The following SIRT7 variants were observed in gnomAD, a reference collection of about 807,000 sequenced individuals.
SIRT7 encodes the protein NAD-dependent protein deacetylase sirtuin-7.
In SIRT7, 32 loss-of-function variants were observed where a neutral mutation model predicts 42.8. The observed-to-expected ratio is 0.75, with a 90% confidence interval of 0.56 to 1.00. The LOEUF is 1.00. Among genes scored for constraint, SIRT7 ranks in the 50% least tolerant of loss-of-function variants. The pLI, the probability that SIRT7 is intolerant of heterozygous loss-of-function variation, is 0.00. For missense variants in SIRT7, 553 were observed against 572.2 expected, an observed-to-expected ratio of 0.97 and a Z score of 0.34; for synonymous variants, 297 against 245.2, an observed-to-expected ratio of 1.21 and a Z score of -1.97.
Position 81,913,476 on chromosome 17 carries a change from G to C in SIRT7, c.1004+298C>G. On this transcript the variant is annotated intron_variant, in intron 9 of 9. Coordinates refer to ENST00000328666, the MANE Select transcript of SIRT7 (RefSeq NM_016538.3). This position sits in a 1 kb window ranked among gnomAD's most constrained non-coding sequence, Gnocchi z 5.0. Reference sequence around the variant, plus strand: ...TGCCGAGTGCTCGTCCCCTCCAGATGCTTCCCACCAGGCATCTCGGAGAGC... The same window carrying C: ...TGCCGAGTGCTCGTCCCCTCCAGATCCTTCCCACCAGGCATCTCGGAGAGC... The C allele has an allele frequency of 2.2e-6, 1 of 451,314 alleles. No individual in the cohort carries two copies. The highest frequency in any genetic ancestry group is 4.1e-6 in the Non-Finnish European group (1 of 241,492). The allele number at this position is 451,314 out of a possible 1,614,324, so 28.0% of individuals were successfully genotyped here.
chr17:81,917,832 C>T lies in SIRT7; in HGVS notation c.229G>A (p.Glu77Lys). 2 of 1,435,300 alleles carry T rather than the reference C, an allele frequency of 1.4e-6. No individual in the cohort carries two copies. The highest frequency in any genetic ancestry group is 1.8e-6 in the Non-Finnish European group (2 of 1,099,562). 88.9% of individuals were successfully genotyped at this position (1,435,300 alleles called of 1,614,324 possible). The change falls in exon 2 of 10, where the codon GAG (glutamate) becomes AAG (lysine). Residue 77 changes from glutamate (E) to lysine (K), a missense_variant and splice_region_variant. Transcript: ENST00000328666. ...CGCGCGCCGCACGCGGAACTCGCCT[C>T]CTCCTGCCGCCGCTTCAGGCCCTCG... ...RREGLKRRQE[E>K]VCDDPEELRG... is the part of the protein sequence containing the mutation.
At position 81,915,654 on chromosome 17, in the gene SIRT7, G is replaced by A. The variant is rs200803537; in HGVS notation, c.364C>T (p.Pro122Ser). Residue 122 changes from proline to serine, a missense_variant, in exon 4 of 10, where the codon CCT becomes TCT. Pro to Ser is a moderately conservative substitution (Grantham distance 74). Coordinates refer to ENST00000328666, the MANE Select transcript of SIRT7 (RefSeq NM_016538.3). Reference sequence around the variant, plus strand: ...TGAAGCAGTGTCCACACTCCATTAGGGCCCCGGTAGTCTGGGATAGACGCT... The same window carrying A: ...TGAAGCAGTGTCCACACTCCATTAGAGCCCCGGTAGTCTGGGATAGACGCT... ...TAASIPDYRGPNGVWTLLQKG... is the reference protein window; with the variant it reads ...TAASIPDYRGSNGVWTLLQKG... 2.5e-6 allele frequency: 4 copies of A among 1,613,918 alleles called. No individual in the cohort carries two copies. Among genetic ancestry groups the A allele is most frequent in the East Asian group, 2.2e-5 (1 of 44,888 alleles).
intron 3 of SIRT7, 175 bp downstream of exon 3, chr17:81,917,436 GTTTT>G (rs374653049): frequency 1.9e-6 from 1 of 528,274 alleles, no homozygotes; most frequent in East Asian, 3.4e-5. Context: ...TCTACTCCTT[GTTTT>G]TTTTAACTGG....
chr17:81,914,348 C>G lies in SIRT7; in HGVS notation c.762G>C (p.Ala254=). The change falls in exon 7 of 10, where the codon GCG becomes GCC. Residue 254 remains alanine, a synonymous_variant. Transcript: ENST00000328666. ...TGTCTGCTCTGCTGGCAGCCTCGGTCGCCGCTTCCCAGTTCAAAGGCTGCC... is the reference window on the plus strand; with the variant it reads ...TGTCTGCTCTGCTGGCAGCCTCGGTGGCCGCTTCCCAGTTCAAAGGCTGCC... ...TLGQPLNWEA[A]TEAASRADTI... 6.2e-7 allele frequency: 1 copy of G among 1,612,910 alleles called. No homozygotes were observed. The highest frequency in any genetic ancestry group is 8.5e-7 in the Non-Finnish European group (1 of 1,179,994).
At position 81,912,500 on chromosome 17, in the gene SIRT7, AC is replaced by A; in HGVS notation, c.1118del (p.Gly373ValfsTer10). ...GGATGGGGGCCGAGCTAAGCGGTGC[AC>A]CCCGGTCCCCAGGCGGGGCCTCCTC... is the stretch of plus-strand genomic sequence containing the variant. ...SREEAPPGDR[G>X]APLSSAPILG... is the part of the protein sequence containing the mutation. On this transcript the variant is annotated frameshift_variant, in exon 10 of 10. Coordinates refer to ENST00000328666, the MANE Select transcript of SIRT7 (RefSeq NM_016538.3). LOFTEE classifies it high-confidence loss of function. 1 of 1,613,702 alleles carries A rather than the reference AC, an allele frequency of 6.2e-7. No homozygotes were observed. Among genetic ancestry groups the A allele is most frequent in the Non-Finnish European group, 8.5e-7 (1 of 1,179,936 alleles).
In SIRT7 at chr17:81,918,024, G is replaced by A. The variant is rs766471032; in HGVS notation, c.93+15C>T. On this transcript the variant is annotated intron_variant, in intron 1 of 9. Coordinates refer to ENST00000328666, the MANE Select transcript of SIRT7 (RefSeq NM_016538.3). ...GGGCCGGGCATGGCCGGGCCGGGGA[G>A]CGGCGGCGGCGTACCTGGCGGAGGC... 129 of 1,438,574 alleles carry A rather than the reference G, an allele frequency of 9.0e-5. No individual in the cohort carries two copies. The highest frequency in any genetic ancestry group is 1.1e-4 in the Non-Finnish European group (122 of 1,102,534). 89.1% of individuals were successfully genotyped at this position (1,438,574 alleles called of 1,614,324 possible).
Position 81,918,079 on chromosome 17 carries a change from C to T in SIRT7, c.53G>A (p.Arg18Gln). 2.6e-6 allele frequency: 4 copies of T among 1,550,874 alleles called. No individual in the cohort carries two copies. Among genetic ancestry groups the T allele is most frequent in the Non-Finnish European group, 2.6e-6 (3 of 1,159,730 alleles). The change falls in exon 1 of 10, where the codon CGG (arginine) becomes CAG (glutamine). Residue 18 changes from arginine to glutamine, a missense_variant. Transcript: ENST00000328666. ...CCTCTGCTGCTCCTCCCGCAACCTC[C>T]GGACCCGCTCCGCCGCTTTGCGCTC... Reference protein sequence around the residue: ...RSERKAAERVRRLREEQQRER... With the variant: ...RSERKAAERVQRLREEQQRER...
intron 2 of SIRT7, 26 bp from the exon 3 acceptor site, chr17:81,917,745 G>T: frequency 6.6e-7 from 1 of 1,505,218 alleles, no homozygotes; most frequent in Non-Finnish European, 8.9e-7. Flanking sequence ...GGTGGTCACC[G>T]CCCCGGGCCG....
chr17:81,915,738 A>C, intron 3 of SIRT7, 57 bp from the exon 4 acceptor site: 2 of 1,577,500 alleles, frequency 1.3e-6, no homozygotes, highest in South Asian at 2.3e-5. Flanking sequence ...AGGTACTGGC[A>C]GAATTCCCAG....
chr17:81,917,583 G>C (rs1305282091), intron 3 of SIRT7, 32 bp downstream of exon 3: 1 of 1,553,920 alleles, frequency 6.4e-7, no homozygotes, highest in Non-Finnish European at 8.7e-7. Context: ...CTCATACTCC[G>C]TCCTGGGGTA....
intron 5 of SIRT7, chr17:81,915,170 A>G: frequency 1.8e-6 from 1 of 560,096 alleles, no homozygotes; most frequent in East Asian, 3.0e-5. Flanking sequence ...TGAGGTCCAC[A>G]GAAAAATGCA....
chr17:81,915,584 G>A (rs760029347), intron 4 of SIRT7, 27 bp downstream of exon 4: 6 of 1,613,408 alleles, frequency 3.7e-6, no homozygotes, highest in Non-Finnish European at 5.1e-6. Flanking sequence ...CCCAGCCTAT[G>A]TGGGAGGCCA....
chr17:81,915,974 C>A, intron 3 of SIRT7: 1 of 434,190 alleles, frequency 2.3e-6, no homozygotes, highest in Non-Finnish European at 4.3e-6. Flanking sequence ...CAAAGCTGGG[C>A]TCTGTGGCAC....
Position 81,917,727 on chromosome 17 carries a change from G to T in SIRT7, c.232-8C>A. Reference sequence around the variant, plus strand: ...CTCCGGGTCGTCGCACACCTGCCAAGACGCCAGGGTGGTCACCGCCCCGGG... The same window carrying T: ...CTCCGGGTCGTCGCACACCTGCCAATACGCCAGGGTGGTCACCGCCCCGGG... On this transcript the variant is annotated splice_region_variant and splice_polypyrimidine_tract_variant and intron_variant, in intron 2 of 9. Coordinates refer to ENST00000328666, the MANE Select transcript of SIRT7 (RefSeq NM_016538.3). 6.3e-7 allele frequency: 1 copy of T among 1,580,728 alleles called. No homozygotes were observed. The highest frequency in any genetic ancestry group is 8.6e-7 in the Non-Finnish European group (1 of 1,165,470).
In SIRT7 at chr17:81,918,084, C is replaced by G; in HGVS notation, c.48G>C (p.Arg16=). ...LSRSERKAAE[R]VRRLREEQQR... is the part of the protein sequence containing the mutation. ...GCTGCTCCTCCCGCAACCTCCGGAC[C>G]CGCTCCGCCGCTTTGCGCTCGGAGC... Residue 16 remains arginine, a synonymous_variant, in exon 1 of 10, where the codon CGG becomes CGC. Transcript: ENST00000328666. 3.2e-6 allele frequency: 5 copies of G among 1,551,096 alleles called. No individual in the cohort carries two copies. Among genetic ancestry groups the G allele is most frequent in the Non-Finnish European group, 4.3e-6 (5 of 1,159,790 alleles).
At chr17:81,912,743 G>A (rs2040706532) in intron 9 of SIRT7, 129 bp from the exon 10 acceptor site, 2 of 977,276 alleles carry the variant, frequency 2.0e-6, no homozygotes, top group Non-Finnish European at 3.1e-6. Context: ...ACTGCGGCGG[G>A]GCTCTGGTTG....
chr17:81,913,324 C>T lies in SIRT7; in HGVS notation c.1004+450G>A, dbSNP rs2040729711. 1 of 455,358 alleles carries T rather than the reference C, an allele frequency of 2.2e-6. No homozygotes were observed. 28.2% of individuals were successfully genotyped at this position (455,358 alleles called of 1,614,324 possible). A position where few individuals can be genotyped will look rare whatever the true frequency, so the allele number is the denominator to read the frequency against. On this transcript the variant is annotated intron_variant, in intron 9 of 9. Coordinates refer to ENST00000328666, the MANE Select transcript of SIRT7 (RefSeq NM_016538.3). This position sits in a 1 kb window ranked among gnomAD's most constrained non-coding sequence, Gnocchi z 5.0. ...AATTCACAGAGAAAGAGAGTGTAAA[C>T]TTTTTACTCAATACATACACCAAGT...
In SIRT7 at chr17:81,917,662, G is replaced by A. The variant is rs868815773; in HGVS notation, c.289C>T (p.Arg97Trp). The change falls in exon 3 of 10, where the codon CGG (arginine) becomes TGG (tryptophan). Residue 97 changes from arginine to tryptophan, a missense_variant. Coordinates refer to ENST00000328666, the MANE Select transcript of SIRT7 (RefSeq NM_016538.3). ...GKVRELASAV[R>W]NAKYLVVYTG... ...TAGACGACCAAGTATTTGGCGTTCC[G>A]GACGGCGCTGGCCAGCTCCCGGACC... The A allele has an allele frequency of 3.7e-6, 6 of 1,607,626 alleles. No individual in the cohort carries two copies. In the Admixed American group the frequency reaches 5.0e-5, roughly 13 times the overall value.
At position 81,914,325 on chromosome 17, in the gene SIRT7, T is replaced by G; in HGVS notation, c.785A>C (p.Asp262Ala). 6.2e-7 allele frequency: 1 copy of G among 1,613,042 alleles called. No homozygotes were observed. The highest frequency in any genetic ancestry group is 8.5e-7 in the Non-Finnish European group (1 of 1,179,998). The change falls in exon 7 of 10, where the codon GAC (aspartate) becomes GCC (alanine). Residue 262 changes from aspartate to alanine, a missense_variant. Coordinates refer to ENST00000328666, the MANE Select transcript of SIRT7 (RefSeq NM_016538.3). Reference protein sequence around the residue: ...EAATEAASRADTILCLGSSLK... With the variant: ...EAATEAASRAATILCLGSSLK... The stretch of plus-strand genomic sequence containing the variant: ...GCTGGACCCTAGACACAGGATGGTG[T>G]CTGCTCTGCTGGCAGCCTCGGTCGC...
Sources: allele counts gnomAD v4.1 joint callset, GRCh38; gene constraint gnomAD v4.1.1; non-coding constraint Gnocchi (gnomAD v3.1); transcripts MANE v1.5; gene names NCBI Gene and HGNC (gene_info 2026-07-23, HGNC 2026-07-21).